FSTL5: variants seen among roughly 807,000 people sequenced by gnomAD.
The protein encoded by FSTL5 is follistatin like 5, also known as follistatin-related protein 5.
In FSTL5, 62 loss-of-function variants were observed where a neutral mutation model predicts 89.1. The observed-to-expected ratio is 0.70, with a 90% CI of 0.57 to 0.86. FSTL5 has a LOEUF of 0.86. FSTL5 is among the 40% of genes least tolerant of loss of function. The pLI, the probability that FSTL5 is intolerant of heterozygous loss-of-function variation, is 0.00. For missense variants in FSTL5, 1,057 were observed against 1,001.6 expected (o/e 1.06, Z -0.75); for synonymous variants, 383 against 346.2 (o/e 1.11, Z -1.18).
At chr4:162,100,404 C>T (rs1730948665) in intron 2 of FSTL5, among the ~76,000 whole-genome samples, 1 of 152,002 alleles carries the variant, frequency 6.6e-6, no homozygotes, top group African/African-American at 2.4e-5. Context: ...ACTAAAAATA[C>T]AAAAAATTAT....
At chr4:161,411,664 C>G (rs183538918) in intron 15 of FSTL5, among the ~76,000 whole-genome samples, 1 of 152,240 alleles carries the variant, frequency 6.6e-6, no homozygotes, top group East Asian at 1.9e-4. Flanking sequence ...CCTCAGCAGA[C>G]TAGGCATCAA....
intron 15 of FSTL5, chr4:161,388,074 T>C (rs745988460): frequency 2.0e-5 from 3 of 152,134 alleles, no homozygotes; most frequent in Non-Finnish European, 4.4e-5. Flanking sequence ...AGCTTGATTA[T>C]AGCATTCTGC....
At chr4:161,458,513 T>G (rs1733443870) in intron 14 of FSTL5, among the ~76,000 whole-genome samples, 1 of 152,198 alleles carries the variant, frequency 6.6e-6, no homozygotes, top group Admixed American at 6.5e-5. Flanking sequence ...GAATTTATTT[T>G]AAAATGTCCA....
intron 3 of FSTL5, among the ~76,000 whole-genome samples, chr4:161,991,463 C>A (rs116214048): frequency 1.3e-3 from 201 of 152,152 alleles, no homozygotes; most frequent in African/African-American, 3.8e-3. Flanking sequence ...ACAAGTCAAG[C>A]CTCCATATTA....
At chr4:161,565,140 C>T (rs1250806401) in intron 8 of FSTL5, among the ~76,000 whole-genome samples, 2 of 151,780 alleles carry the variant, frequency 1.3e-5, no homozygotes, top group African/African-American at 2.4e-5. Context: ...TCATAAGTGC[C>T]TCTCAGACCT....
At chr4:161,926,295 A>G (rs1734119821) in intron 3 of FSTL5, among the ~76,000 whole-genome samples, 1 of 151,852 alleles carries the variant, frequency 6.6e-6, no homozygotes, top group Non-Finnish European at 1.5e-5. Flanking sequence ...ACGGTCACAT[A>G]ATCTGTAGTT....
intron 4 of FSTL5, among the ~76,000 whole-genome samples, chr4:161,912,157 A>G (rs1298569383): frequency 2.0e-5 from 3 of 152,220 alleles, no homozygotes; most frequent in African/African-American, 7.2e-5. Context: ...GAATAGAAAT[A>G]TAGAAGAAAA....
intron 2 of FSTL5, among the ~76,000 whole-genome samples, chr4:162,061,190 A>G (rs74477226): frequency 0.093 from 14,076 of 152,150 alleles, 782 homozygotes; most frequent in Non-Finnish European, 0.12. Context: ...TGTGACATTA[A>G]TAGGAGATAG....
chr4:162,098,721 T>C (rs1228270378), intron 2 of FSTL5, among the ~76,000 whole-genome samples: 2 of 151,968 alleles, frequency 1.3e-5, no homozygotes, highest in African/African-American at 2.4e-5. Flanking sequence ...GATGAAAGAA[T>C]AGACAAACAT....
At chr4:161,727,569 C>T (rs1053183151) in intron 6 of FSTL5, among the ~76,000 whole-genome samples, 2 of 152,168 alleles carry the variant, frequency 1.3e-5, no homozygotes, top group Non-Finnish European at 2.9e-5. Flanking sequence ...AGAGGCTTCT[C>T]TAAGTTTTCA....
intron 4 of FSTL5, among the ~76,000 whole-genome samples, chr4:161,916,599 C>T (rs1348066): frequency 0.81 from 123,578 of 151,716 alleles, 51,239 homozygotes; most frequent in Non-Finnish European, 0.89. Context: ...ATTCTATATC[C>T]GATTATAGCC....
At chr4:161,634,901 A>T (rs963461061) in intron 7 of FSTL5, among the ~76,000 whole-genome samples, 2 of 152,138 alleles carry the variant, frequency 1.3e-5, no homozygotes, top group African/African-American at 4.8e-5. Flanking sequence ...CAAAATGGTA[A>T]CTCTGTGAGG....
chr4:162,149,325 TAG>T (rs1364710624), intron 1 of FSTL5, among the ~76,000 whole-genome samples: 4 of 151,960 alleles, frequency 2.6e-5, no homozygotes, highest in Non-Finnish European at 5.9e-5. Flanking sequence ...CTGGGCAACA[TAG>T]AGAGACTGTA....
chr4:161,995,563 G>A (rs543858134), intron 3 of FSTL5, among the ~76,000 whole-genome samples: 7 of 152,000 alleles, frequency 4.6e-5, no homozygotes, highest in Admixed American at 4.6e-4. Flanking sequence ...GACGGACCAG[G>A]GTTATTCATT....
chr4:161,564,184 T>C (rs369320017), intron 8 of FSTL5, among the ~76,000 whole-genome samples: 1 of 151,514 alleles, frequency 6.6e-6, no homozygotes, highest in Non-Finnish European at 1.5e-5. Flanking sequence ...ATGTATATTA[T>C]CAGAACCATC....
chr4:162,054,955 A>G (rs1293996510), intron 2 of FSTL5, among the ~76,000 whole-genome samples: 1 of 151,968 alleles, frequency 6.6e-6, no homozygotes, highest in Non-Finnish European at 1.5e-5. Flanking sequence ...CAATTAGTTA[A>G]CACAGGTAGT....
At chr4:161,843,268 G>A (rs1731266989) in intron 4 of FSTL5, among the ~76,000 whole-genome samples, 1 of 152,106 alleles carries the variant, frequency 6.6e-6, no homozygotes, top group Admixed American at 6.6e-5. Context: ...AGTTCCATAT[G>A]AAATTTAAAG....
intron 1 of FSTL5, among the ~76,000 whole-genome samples, chr4:162,152,757 GAACA>G (rs1435463332): frequency 2.0e-5 from 3 of 151,184 alleles, no homozygotes; most frequent in Non-Finnish European, 2.9e-5. Context: ...GTGAAGTTCT[GAACA>G]AACAAACTGC....
At chr4:161,722,000 G>A (rs1739235792) in intron 6 of FSTL5, among the ~76,000 whole-genome samples, 1 of 151,974 alleles carries the variant, frequency 6.6e-6, no homozygotes, top group African/African-American at 2.4e-5. Context: ...TAATTGGAGA[G>A]TGATAACATC....
Sources: gnomAD v4.1 joint callset for allele counts (sites outside exome capture counted in the v4.1 genomes callset) on GRCh38, gnomAD v4.1.1 for gene constraint, MANE v1.5 for transcripts, NCBI Gene and HGNC (gene_info 2026-07-23, HGNC 2026-07-21) for gene names.